The following UNC5B variants were observed in gnomAD, a reference collection of about 807,000 sequenced individuals.
UNC5B encodes the protein unc-5 netrin receptor B.
UNC5B carries 56 observed loss-of-function variants against 103.7 expected under a neutral mutation model. That is an observed-to-expected ratio of 0.54 (90% CI 0.44 to 0.67). The LOEUF (loss-of-function observed/expected upper bound fraction) is 0.67, where lower values mean the gene tolerates loss of function less well. UNC5B is among the 30% of genes least tolerant of loss of function. UNC5B has a pLI of 0.00. For missense variants in UNC5B, 1,194 were observed against 1,284.5 expected (o/e 0.93, Z 1.08); for synonymous variants, 577 against 542.0 (o/e 1.06, Z -0.90).
chr10:71,226,131 G>A (rs1291490056), intron 1 of UNC5B, among the ~76,000 whole-genome samples: 2 of 152,096 alleles, frequency 1.3e-5, no homozygotes, highest in Non-Finnish European at 2.9e-5. Context: ...CTGGAGTGCA[G>A]TGGCACCATC....
Position 71,302,851 on chromosome 10 carries a change from C to T in UNC5B, c.*3574C>T, listed in dbSNP as rs1398501378. The T allele has an allele frequency of 1.3e-5, 2 of 152,112 alleles. No individual in the cohort carries two copies. The highest frequency in any genetic ancestry group is 2.9e-5 in the Non-Finnish European group (2 of 68,030). The allele number at this position is 152,112 out of a possible 1,614,324, so 9.4% of individuals were successfully genotyped here. A position where few individuals can be genotyped will look rare whatever the true frequency, so the allele number is the denominator to read the frequency against. On this transcript the variant is annotated 3_prime_UTR_variant, in exon 17 of 17. Coordinates refer to ENST00000335350, the MANE Select transcript of UNC5B (RefSeq NM_170744.5). ...ATTTTTATGAAATAAATTATATTTC[C>T]TAGTCTAATAAAATCCGGGTTGCAT...
At chr10:71,262,527 A>C (rs1317450669) in intron 1 of UNC5B, among the ~76,000 whole-genome samples, 3 of 152,110 alleles carry the variant, frequency 2.0e-5, no homozygotes, top group Non-Finnish European at 4.4e-5. Flanking sequence ...CCCGCCCGGG[A>C]GACTCATTCA....
chr10:71,222,192 G>A (rs1468765211), intron 1 of UNC5B, among the ~76,000 whole-genome samples: 1 of 152,134 alleles, frequency 6.6e-6, no homozygotes, highest in Non-Finnish European at 1.5e-5. Flanking sequence ...CCCTGGTAGG[G>A]GATGTGTACG....
chr10:71,276,527 G>A (rs758529028), intron 1 of UNC5B, among the ~76,000 whole-genome samples: 1 of 152,202 alleles, frequency 6.6e-6, no homozygotes, highest in Non-Finnish European at 1.5e-5. Context: ...TCCGCCTCTC[G>A]GGTTCAAGCA....
At chr10:71,286,099 A>G (rs1834886438) in intron 4 of UNC5B, among the ~76,000 whole-genome samples, 1 of 152,236 alleles carries the variant, frequency 6.6e-6, no homozygotes, top group Admixed American at 6.5e-5. Context: ...CTAGGCACTT[A>G]GCACGCTGGT....
At chr10:71,246,049 G>A (rs934995159) in intron 1 of UNC5B, among the ~76,000 whole-genome samples, 1 of 152,098 alleles carries the variant, frequency 6.6e-6, no homozygotes, top group Non-Finnish European at 1.5e-5. Flanking sequence ...GGGCGGCCCC[G>A]AGAGAACTGA....
At chr10:71,260,053 G>A (rs1389326387) in intron 1 of UNC5B, among the ~76,000 whole-genome samples, 1 of 152,222 alleles carries the variant, frequency 6.6e-6, no homozygotes, top group African/African-American at 2.4e-5. Context: ...GCTCCTGGTG[G>A]AGAGAGGTAG....
At chr10:71,288,145 A>G (rs1477858802) in intron 6 of UNC5B, among the ~76,000 whole-genome samples, 2 of 152,150 alleles carry the variant, frequency 1.3e-5, no homozygotes, top group East Asian at 1.9e-4. Context: ...CACAGACCCT[A>G]TTCATACTGA....
At chr10:71,230,042 T>C (rs898014491) in intron 1 of UNC5B, among the ~76,000 whole-genome samples, 11 of 149,820 alleles carry the variant, frequency 7.3e-5, no homozygotes, top group Non-Finnish European at 1.6e-4. Context: ...AGCTACCTCC[T>C]GACCTACACT....
chr10:71,254,714 G>A (rs1476369814), intron 1 of UNC5B, among the ~76,000 whole-genome samples: 1 of 152,208 alleles, frequency 6.6e-6, no homozygotes, highest in Non-Finnish European at 1.5e-5. Flanking sequence ...CACTGAGCAG[G>A]GTGGATGACC....
chr10:71,239,140 A>AG (rs1013286870), intron 1 of UNC5B, among the ~76,000 whole-genome samples: 6 of 152,162 alleles, frequency 3.9e-5, no homozygotes, highest in Non-Finnish European at 8.8e-5. Context: ...CCAGTGACCC[A>AG]GGGAAGACTG....
In UNC5B at chr10:71,213,728, AGTGT is replaced by A. The variant is rs58235566; in HGVS notation, c.79+695_79+698del. ...ATTATTAATTTTCTGAGTGTTGGAG[AGTGT>A]GTGTGTGTGTGTGTGTGTGTGTGTG... On this transcript the variant is annotated intron_variant, in intron 1 of 16. Coordinates refer to ENST00000335350, the MANE Select transcript of UNC5B (RefSeq NM_170744.5). This position sits in a 1 kb window ranked among gnomAD's most constrained non-coding sequence, Gnocchi z 4.1. Among the ~76,000 whole-genome samples, 1,892 of 131,440 alleles carry A rather than the reference AGTGT, an allele frequency of 0.014. 40 individuals are homozygous for A. The highest frequency in any genetic ancestry group is 0.048 in the African/African-American group (1,659 of 34,242). The allele number at this position is 131,440 out of a possible 152,430, so 86.2% of individuals were successfully genotyped here.
chr10:71,265,127 G>A (rs925121247), intron 1 of UNC5B, among the ~76,000 whole-genome samples: 4 of 152,180 alleles, frequency 2.6e-5, no homozygotes. Context: ...AAAGAGTTGC[G>A]GGGAGGGTTC....
chr10:71,280,260 A>G (rs1417955218), intron 2 of UNC5B, among the ~76,000 whole-genome samples: 1 of 151,888 alleles, frequency 6.6e-6, no homozygotes, highest in Non-Finnish European at 1.5e-5. Flanking sequence ...TCCACTTTCC[A>G]TCTTTCTGCT....
chr10:71,302,312 G>T lies in UNC5B; in HGVS notation c.*3035G>T. 6.6e-6 allele frequency: 1 copy of T among 152,314 alleles called. No homozygotes were observed. The allele number at this position is 152,314 out of a possible 1,614,324, so 9.4% of individuals were successfully genotyped here. On this transcript the variant is annotated 3_prime_UTR_variant, in exon 17 of 17. Transcript: ENST00000335350. ...GTGCGTGCCTATGCTTTTCTCTGTG[G>T]GCACATCAGGATGCCCCTCGGAGAG...
chr10:71,290,863 G>A, intron 8 of UNC5B, 52 bp from the exon 9 acceptor site: 1 of 1,542,464 alleles, frequency 6.5e-7, no homozygotes, highest in Non-Finnish European at 8.7e-7. Flanking sequence ...CTCCCTGATT[G>A]CCCCAGGGCC....
At chr10:71,250,157 C>A (rs1050646096) in intron 1 of UNC5B, among the ~76,000 whole-genome samples, 1 of 152,216 alleles carries the variant, frequency 6.6e-6, no homozygotes, top group African/African-American at 2.4e-5. Flanking sequence ...GGCCTCTTAC[C>A]AGGTGGTGCC....
At chr10:71,242,449 G>C (rs1032739155) in intron 1 of UNC5B, among the ~76,000 whole-genome samples, 7 of 152,194 alleles carry the variant, frequency 4.6e-5, no homozygotes, top group Admixed American at 3.9e-4. Context: ...TGAGTGGGCA[G>C]CTTCCTCTTC....
intron 1 of UNC5B, among the ~76,000 whole-genome samples, chr10:71,220,237 C>T (rs906031522): frequency 3.3e-5 from 5 of 152,216 alleles, no homozygotes; most frequent in South Asian, 2.1e-4. Context: ...AAAGGTGGAA[C>T]GAGCCCAGAA....
Sources: gnomAD v4.1 joint callset for allele counts (sites outside exome capture counted in the v4.1 genomes callset) on GRCh38, gnomAD v4.1.1 for gene constraint, Gnocchi (gnomAD v3.1) non-coding constraint, MANE v1.5 for transcripts, NCBI Gene and HGNC (gene_info 2026-07-23, HGNC 2026-07-21) for gene names.